Variants in ATXN10 observed in about 807,000 individuals in gnomAD.
ATXN10 encodes the protein ataxin-10.
A neutral mutation model predicts 52.9 loss-of-function variants in ATXN10; 28 were observed. The observed-to-expected ratio is 0.53, with a 90% CI of 0.39 to 0.73. ATXN10 has a LOEUF of 0.73. Among genes scored for constraint, ATXN10 ranks in the 30% least tolerant of loss-of-function variants. ATXN10 has a pLI of 0.00. For synonymous variants in ATXN10, 226 were observed against 221.5 expected (o/e 1.02, Z -0.18); for missense variants, 565 against 577.0 (o/e 0.98, Z 0.21).
rs1929412824 is a variant in ATXN10, at chr22:45,843,398, T to A, written c.1425+220T>A. Among the ~76,000 whole-genome samples, 1 of 152,238 alleles carries A rather than the reference T, an allele frequency of 6.6e-6. No homozygotes were observed. The highest frequency in any genetic ancestry group is 6.5e-5 in the Admixed American group (1 of 15,290). ...TAAAAGAGGGACAATTTCAAACTCA[T>A]TCTGGGTGAGAAATACAAAAGGCAT... On this transcript the variant is annotated intron_variant, in intron 11 of 11. Transcript: ENST00000252934. This position sits in a 1 kb window ranked among gnomAD's most constrained non-coding sequence, Gnocchi z 4.5.
In ATXN10 at chr22:45,728,119, C is replaced by G. The variant is rs529977375; in HGVS notation, c.729-1306C>G. ...TTAATACTGAGATGTGAGGTACTATCCCAGCCATCATGTTGATTGTTACCT... is the reference window on the plus strand; with the variant it reads ...TTAATACTGAGATGTGAGGTACTATGCCAGCCATCATGTTGATTGTTACCT... On this transcript the variant is annotated intron_variant, in intron 6 of 11. Coordinates refer to ENST00000252934, the MANE Select transcript of ATXN10 (RefSeq NM_013236.4). The surrounding 1 kb of genome is among the most constrained non-coding windows in gnomAD (Gnocchi z 4.3). Among the ~76,000 whole-genome samples, 169 of 151,974 alleles carry G rather than the reference C, an allele frequency of 1.1e-3. No individual in the cohort carries two copies. Among genetic ancestry groups the G allele is most frequent in the African/African-American group, 3.9e-3 (161 of 41,422 alleles).
At position 45,812,541 on chromosome 22, in the gene ATXN10, A is replaced by G. The variant is rs543342698; in HGVS notation, c.1237+5519A>G. 1.6e-4 allele frequency among the ~76,000 whole-genome samples: 25 copies of G among 152,268 alleles called. No homozygotes were observed. The Middle Eastern group carries it at 0.01, about 62-fold the overall frequency. ...CCCATGAGTTCTTTGACTCGGGTAA[A>G]TTAAGTATTCTTGGTTTGTCAGTCA... On this transcript the variant is annotated intron_variant, in intron 10 of 11. Coordinates refer to ENST00000252934, the MANE Select transcript of ATXN10 (RefSeq NM_013236.4).
chr22:45,811,994 G>C (rs886210562), intron 10 of ATXN10, among the ~76,000 whole-genome samples: 3 of 152,148 alleles, frequency 2.0e-5, no homozygotes, highest in African/African-American at 7.2e-5. Context: ...ATCCAGTGCT[G>C]TTCTCCCCTT....
At chr22:45,704,397 A>T (rs1923959566) in intron 5 of ATXN10, among the ~76,000 whole-genome samples, 1 of 151,708 alleles carries the variant, frequency 6.6e-6, no homozygotes, top group Non-Finnish European at 1.5e-5. Flanking sequence ...ACCTAGATTA[A>T]GTGTTCCAAT....
intron 7 of ATXN10, among the ~76,000 whole-genome samples, chr22:45,731,186 C>T (rs1186001031): frequency 6.6e-6 from 1 of 152,164 alleles, no homozygotes; most frequent in African/African-American, 2.4e-5. Flanking sequence ...ACTTGTGATA[C>T]AACAGGGAAG....
chr22:45,752,849 T>C (rs1380961575), intron 9 of ATXN10, among the ~76,000 whole-genome samples: 1 of 152,026 alleles, frequency 6.6e-6, no homozygotes, highest in Non-Finnish European at 1.5e-5. Context: ...TTCTCCTGCG[T>C]CAGCCTCCCG....
Position 45,781,284 on chromosome 22 carries a change from G to A in ATXN10, c.1174-25675G>A, listed in dbSNP as rs1252661627. 6.6e-6 allele frequency among the ~76,000 whole-genome samples: 1 copy of A among 152,086 alleles called. No individual in the cohort carries two copies. Among genetic ancestry groups the A allele is most frequent in the Non-Finnish European group, 1.5e-5 (1 of 68,010 alleles). The stretch of plus-strand genomic sequence containing the variant: ...GGAGCCAGGTTTTTATCCCCACTGG[G>A]CAGTAATGAGGCATCCCCCAACCCC... On this transcript the variant is annotated intron_variant, in intron 9 of 11. Coordinates refer to ENST00000252934, the MANE Select transcript of ATXN10 (RefSeq NM_013236.4). This position sits in a 1 kb window ranked among gnomAD's most constrained non-coding sequence, Gnocchi z 4.2.
chr22:45,789,424 A>T lies in ATXN10; in HGVS notation c.1174-17535A>T, dbSNP rs1418109290. 3.3e-5 allele frequency among the ~76,000 whole-genome samples: 5 copies of T among 152,140 alleles called. No individual in the cohort carries two copies. Among genetic ancestry groups the T allele is most frequent in the Non-Finnish European group, 1.5e-5 (1 of 68,028 alleles). ...TCGGGACCGGGCAAGGGATGCAAGG[A>T]TGAGTGGAAACATGGCTCTTGTCAT... On this transcript the variant is annotated intron_variant, in intron 9 of 11. Coordinates refer to ENST00000252934, the MANE Select transcript of ATXN10 (RefSeq NM_013236.4). The surrounding 1 kb of genome is among the most constrained non-coding windows in gnomAD (Gnocchi z 4.0).
In ATXN10 at chr22:45,732,993, G is replaced by A. The variant is rs948810095; in HGVS notation, c.894+3403G>A. Among the ~76,000 whole-genome samples the A allele has an allele frequency of 2.6e-5, 4 of 152,070 alleles. No homozygotes were observed. Among genetic ancestry groups the A allele is most frequent in the Non-Finnish European group, 4.4e-5 (3 of 68,010 alleles). On this transcript the variant is annotated intron_variant, in intron 7 of 11. Coordinates refer to ENST00000252934, the MANE Select transcript of ATXN10 (RefSeq NM_013236.4). The surrounding 1 kb of genome is among the most constrained non-coding windows in gnomAD (Gnocchi z 4.5). Reference sequence around the variant, plus strand: ...TAAAATCCCAAGGTTTTCTTCATACGTTTCTTTATAAAAATAGTTTTGGGT... The same window carrying A: ...TAAAATCCCAAGGTTTTCTTCATACATTTCTTTATAAAAATAGTTTTGGGT...
In ATXN10 at chr22:45,759,576, C is replaced by T. The variant is rs139552265; in HGVS notation, c.1173+19038C>T. On this transcript the variant is annotated intron_variant, in intron 9 of 11. Coordinates refer to ENST00000252934, the MANE Select transcript of ATXN10 (RefSeq NM_013236.4). This position sits in a 1 kb window ranked among gnomAD's most constrained non-coding sequence, Gnocchi z 5.4. ...TGAGGGTTCCGTACTCTTCTTGTGC[C>T]ATGAAGCAGGAGGAAAGGCCTCCTG... Among the ~76,000 whole-genome samples, 970 of 152,226 alleles carry T rather than the reference C, an allele frequency of 6.4e-3. 7 individuals carry two copies. The highest frequency in any genetic ancestry group is 0.015 in the South Asian group (71 of 4,824).
chr22:45,832,577 A>G (rs772704814), intron 10 of ATXN10, among the ~76,000 whole-genome samples: 2 of 152,262 alleles, frequency 1.3e-5, no homozygotes, highest in Non-Finnish European at 2.9e-5. Context: ...CCCCAAGGGC[A>G]GGGACTGGAC....
In ATXN10 at chr22:45,775,864, G is replaced by A. The variant is rs1003898343; in HGVS notation, c.1174-31095G>A. ...CATTCCGCCCCTCACAGCCAGCCGG[G>A]AGGTAACATTAACATCCGTTTGCTG... On this transcript the variant is annotated intron_variant, in intron 9 of 11. Coordinates refer to ENST00000252934, the MANE Select transcript of ATXN10 (RefSeq NM_013236.4). The surrounding 1 kb of genome is among the most constrained non-coding windows in gnomAD (Gnocchi z 4.7). Among the ~76,000 whole-genome samples the A allele has an allele frequency of 1.6e-4, 25 of 152,126 alleles. No individual in the cohort carries two copies. The highest frequency in any genetic ancestry group is 5.3e-4 in the African/African-American group (22 of 41,410).
chr22:45,751,763 AAATAATAATAAT>A (rs1165303275), intron 9 of ATXN10, among the ~76,000 whole-genome samples: 2 of 66,630 alleles, frequency 3.0e-5, no homozygotes, highest in Admixed American at 3.0e-4. Context: ...AATAAAAAAA[AAATAATAATAAT>A]AATAATAATA....
intron 5 of ATXN10, among the ~76,000 whole-genome samples, chr22:45,716,325 C>CTTTT (rs1157868947): frequency 7.5e-6 from 1 of 133,282 alleles, no homozygotes; most frequent in African/African-American, 2.8e-5. Context: ...TGAGTGCTTC[C>CTTTT]TTTTTTTTTT....
At position 45,678,669 on chromosome 22, in the gene ATXN10, T is replaced by C. The variant is rs1569019938; in HGVS notation, c.116+6490T>C. 1 of 152,210 alleles carries C rather than the reference T, an allele frequency of 6.6e-6. No individual in the cohort carries two copies. The highest frequency in any genetic ancestry group is 6.5e-5 in the Admixed American group (1 of 15,274). The allele number at this position is 152,210 out of a possible 1,614,324, so 9.4% of individuals were successfully genotyped here. A position where few individuals can be genotyped will look rare whatever the true frequency, so the allele number is the denominator to read the frequency against. ...GTACTCTGTAAATGTTGAACTGAAC[T>C]GAATAGAGCAATGAAGAGCCAGTAG... On this transcript the variant is annotated intron_variant, in intron 1 of 11. Transcript: ENST00000252934. The surrounding 1 kb of genome is among the most constrained non-coding windows in gnomAD (Gnocchi z 4.1).
intron 9 of ATXN10, among the ~76,000 whole-genome samples, chr22:45,804,605 T>C (rs954399516): frequency 3.3e-5 from 5 of 152,252 alleles, no homozygotes; most frequent in African/African-American, 4.8e-5. Flanking sequence ...CTGTATCATC[T>C]TAGGTTATGT....
At position 45,718,984 on chromosome 22, in the gene ATXN10, C is replaced by T. The variant is rs1001825633; in HGVS notation, c.728+491C>T. Among the ~76,000 whole-genome samples, 6 of 151,764 alleles carry T rather than the reference C, an allele frequency of 4.0e-5. No homozygotes were observed. Among genetic ancestry groups the T allele is most frequent in the African/African-American group, 1.5e-4 (6 of 41,340 alleles). On this transcript the variant is annotated intron_variant, in intron 6 of 11. Coordinates refer to ENST00000252934, the MANE Select transcript of ATXN10 (RefSeq NM_013236.4). The surrounding 1 kb of genome is among the most constrained non-coding windows in gnomAD (Gnocchi z 4.4). ...GACCTAGGAGTTCTAAGACACTGGCCCTGTGCTTTGCTGTGATTATAGTTC... is the reference window on the plus strand; with the variant it reads ...GACCTAGGAGTTCTAAGACACTGGCTCTGTGCTTTGCTGTGATTATAGTTC...
intron 2 of ATXN10, among the ~76,000 whole-genome samples, chr22:45,691,447 A>G (rs1327362053): frequency 2.0e-5 from 3 of 152,260 alleles, no homozygotes; most frequent in Non-Finnish European, 4.4e-5. Context: ...CATTTTTACA[A>G]AAGATGAAAC....
chr22:45,843,897 T>A lies in ATXN10; in HGVS notation c.*226T>A. ...ACTGTGTGGTTTGCCTTTGTCCCCC[T>A]GGATAGAACGTGCATTTAAAGAATA... On this transcript the variant is annotated 3_prime_UTR_variant, in exon 12 of 12. Transcript: ENST00000252934. This position sits in a 1 kb window ranked among gnomAD's most constrained non-coding sequence, Gnocchi z 4.5. 3.4e-6 allele frequency: 2 copies of A among 589,938 alleles called. No individual in the cohort carries two copies. The highest frequency in any genetic ancestry group is 4.1e-5 in the South Asian group (2 of 48,714). The allele number at this position is 589,938 out of a possible 1,614,324, so 36.5% of individuals were successfully genotyped here.
Sources: allele counts gnomAD v4.1 joint callset (sites outside exome capture counted in the v4.1 genomes callset), GRCh38; gene constraint gnomAD v4.1.1; non-coding constraint Gnocchi (gnomAD v3.1); transcripts MANE v1.5; gene names NCBI Gene and HGNC (gene_info 2026-07-23, HGNC 2026-07-21).